SUMF1: variants seen among roughly 807,000 people sequenced by gnomAD.
SUMF1 encodes the protein sulfatase modifying factor 1.
A neutral mutation model predicts 47.6 loss-of-function variants in SUMF1; 48 were observed. The ratio of observed to expected loss-of-function variants is 1.01; its 90% confidence interval spans 0.80 to 1.28. SUMF1 has a LOEUF of 1.28. SUMF1 is among the 50% of genes most tolerant of loss of function. The pLI is 0.00. For missense variants in SUMF1, 571 were observed against 485.4 expected, an observed-to-expected ratio of 1.18 and a Z score of -1.66; for synonymous variants, 230 against 192.1, an observed-to-expected ratio of 1.20 and a Z score of -1.63.
At chr3:4,411,693 G>A (rs888960562) in intron 6 of SUMF1, among the ~76,000 whole-genome samples, 5 of 143,926 alleles carry the variant, frequency 3.5e-5, no homozygotes, top group Non-Finnish European at 7.5e-5. Context: ...ATAAAAGGGG[G>A]GAGAGCAGGA....
chr3:4,211,706 T>A (rs530071715), intron 8 of SUMF1, among the ~76,000 whole-genome samples: 7 of 152,224 alleles, frequency 4.6e-5, no homozygotes, highest in African/African-American at 1.7e-4. Context: ...AAAACCACAA[T>A]TAAATATCAC....
chr3:4,457,098 T>TTTTTG (rs1403189406), intron 1 of SUMF1, among the ~76,000 whole-genome samples: 2 of 119,414 alleles, frequency 1.7e-5, no homozygotes, highest in South Asian at 2.6e-4. Flanking sequence ...ATATATATTT[T>TTTTTG]TTTTGTTTTG....
At chr3:4,306,032 A>T (rs1023134537) in intron 8 of SUMF1, among the ~76,000 whole-genome samples, 2 of 151,978 alleles carry the variant, frequency 1.3e-5, no homozygotes, top group Admixed American at 6.6e-5. Context: ...TTGAGAGCTA[A>T]ATATATGCAA....
At chr3:4,120,532 A>G (rs1328505039) in intron 8 of SUMF1, among the ~76,000 whole-genome samples, 1 of 152,254 alleles carries the variant, frequency 6.6e-6, no homozygotes, top group Non-Finnish European at 1.5e-5. Flanking sequence ...TGTTGGGAAA[A>G]TAATCATGAT....
chr3:4,295,858 TTA>T (rs1697839670), intron 8 of SUMF1, among the ~76,000 whole-genome samples: 1 of 152,224 alleles, frequency 6.6e-6, no homozygotes, highest in South Asian at 2.1e-4. Flanking sequence ...GATTTTATCT[TTA>T]TGTTTTTTAT....
chr3:4,176,055 C>T (rs953799157), intron 8 of SUMF1, among the ~76,000 whole-genome samples: 1 of 152,170 alleles, frequency 6.6e-6, no homozygotes, highest in Non-Finnish European at 1.5e-5. Flanking sequence ...ACCAAATCTA[C>T]ATTTGATTGT....
chr3:4,138,011 C>T (rs1181832786), intron 8 of SUMF1, among the ~76,000 whole-genome samples: 4 of 151,964 alleles, frequency 2.6e-5, no homozygotes, highest in Admixed American at 1.3e-4. Flanking sequence ...TATTTCAATA[C>T]AGTAGAAATG....
intron 8 of SUMF1, among the ~76,000 whole-genome samples, chr3:4,339,922 C>T (rs1386450260): frequency 6.6e-6 from 1 of 152,060 alleles, no homozygotes; most frequent in Non-Finnish European, 1.5e-5. Flanking sequence ...ACAAAAAATG[C>T]AAAAATTAAC....
chr3:4,283,263 C>A (rs1697564560), intron 8 of SUMF1, among the ~76,000 whole-genome samples: 1 of 152,188 alleles, frequency 6.6e-6, no homozygotes, highest in Admixed American at 6.5e-5. Context: ...AAGGAATTTT[C>A]AAATGCCCAT....
chr3:4,149,015 G>T (rs1056994103), intron 8 of SUMF1, among the ~76,000 whole-genome samples: 2 of 152,124 alleles, frequency 1.3e-5, no homozygotes, highest in African/African-American at 4.8e-5. Flanking sequence ...TGGTACGAGA[G>T]AGACCTGAAG....
intron 8 of SUMF1, among the ~76,000 whole-genome samples, chr3:4,171,700 A>G (rs960464481): frequency 2.0e-5 from 3 of 152,112 alleles, no homozygotes; most frequent in African/African-American, 7.2e-5. Flanking sequence ...TTAAAGAATG[A>G]CTGATGTTCC....
chr3:4,119,341 A>T (rs527751763), intron 8 of SUMF1, among the ~76,000 whole-genome samples: 1 of 152,276 alleles, frequency 6.6e-6, no homozygotes, highest in South Asian at 2.1e-4. Flanking sequence ...ACAGCTCATT[A>T]TCAGGATAAT....
In SUMF1 at chr3:4,323,420, A is replaced by G. The variant is rs542342473; in HGVS notation, c.1014+52910T>C. Among the ~76,000 whole-genome samples the G allele has an allele frequency of 1.3e-3, 200 of 152,294 alleles. 1 individual carries two copies. Among genetic ancestry groups the G allele is most frequent in the African/African-American group, 4.6e-3 (192 of 41,566 alleles). ...TAGGGATTGACTGCTAACACCAACA[A>G]GTACATGGTTTCTTTTGGGGGTAAT... On this transcript the variant is annotated intron_variant and NMD_transcript_variant, in intron 8 of 12. Coordinates refer to the SUMF1 transcript ENST00000448413.
chr3:4,366,615 G>A (rs914392620), intron 8 of SUMF1, among the ~76,000 whole-genome samples: 3 of 151,256 alleles, frequency 2.0e-5, no homozygotes, highest in South Asian at 4.2e-4. Context: ...TTATACATTC[G>A]TCTAAATTTT....
In SUMF1 at chr3:4,409,059, A is replaced by T. The variant is rs1701460838; in HGVS notation, c.954+1806T>A. Reference sequence around the variant, plus strand: ...AATAAGAAGGCATTAAAGGATTTTAAACAGGGGAGTGACCTCATGTGACTT... The same window carrying T: ...AATAAGAAGGCATTAAAGGATTTTATACAGGGGAGTGACCTCATGTGACTT... On this transcript the variant is annotated intron_variant, in intron 7 of 8. Transcript: ENST00000272902. Among the ~76,000 whole-genome samples the T allele has an allele frequency of 1.3e-5, 2 of 152,194 alleles. 1 individual carries two copies. Among genetic ancestry groups the T allele is most frequent in the South Asian group, 4.1e-4 (2 of 4,824 alleles).
intron 8 of SUMF1, among the ~76,000 whole-genome samples, chr3:4,082,014 T>C (rs748146196): frequency 3.3e-5 from 5 of 152,144 alleles, no homozygotes; most frequent in Non-Finnish European, 2.9e-5. Flanking sequence ...GAAGGGATTA[T>C]GCCTGCAACT....
intron 8 of SUMF1, among the ~76,000 whole-genome samples, chr3:4,283,612 A>G (rs900422990): frequency 6.6e-6 from 1 of 152,232 alleles, no homozygotes; most frequent in Admixed American, 6.5e-5. Context: ...AAAATGGCCA[A>G]CAGTATATAT....
intron 8 of SUMF1, among the ~76,000 whole-genome samples, chr3:4,214,764 A>T (rs757634279): frequency 2.9e-4 from 42 of 145,154 alleles, no homozygotes; most frequent in Non-Finnish European, 5.3e-4. Flanking sequence ...ATTACTATAA[A>T]CACCTCTGCG....
intron 8 of SUMF1, among the ~76,000 whole-genome samples, chr3:4,229,621 T>C (rs1696253146): frequency 6.6e-6 from 1 of 152,150 alleles, no homozygotes; most frequent in Non-Finnish European, 1.5e-5. Context: ...TTCCAATTAT[T>C]ATGGGCCATA....
Sources: gnomAD v4.1 joint callset for allele counts (sites outside exome capture counted in the v4.1 genomes callset) on GRCh38, gnomAD v4.1.1 for gene constraint, MANE v1.5 for transcripts, NCBI Gene and HGNC (gene_info 2026-07-23, HGNC 2026-07-21) for gene names.